MANBAL: variants seen among roughly 807,000 people sequenced by gnomAD.
MANBAL encodes mannosidase beta like, also known as protein MANBAL.
MANBAL carries 1 observed loss-of-function variant against 6.4 expected under a neutral mutation model. The observed-to-expected ratio is 0.16, with a 90% CI of 0.06 to 0.74. The LOEUF (loss-of-function observed/expected upper bound fraction) is 0.74. Among genes scored for constraint, MANBAL ranks in the 30% least tolerant of loss-of-function variants. MANBAL has a pLI of 0.78. For synonymous variants in MANBAL, 47 were observed against 45.8 expected (o/e 1.03, Z -0.10); for missense variants, 100 against 107.8 (o/e 0.93, Z 0.32).
At chr20:37,293,948 C>T (rs982521789) in intron 1 of MANBAL, among the ~76,000 whole-genome samples, 5 of 152,236 alleles carry the variant, frequency 3.3e-5, no homozygotes, top group East Asian at 1.9e-4. Context: ...TGACTTCATG[C>T]GTGTGTATGT....
intron 2 of MANBAL, among the ~76,000 whole-genome samples, chr20:37,315,486 C>T (rs1317475421): frequency 6.6e-6 from 1 of 152,218 alleles, no homozygotes; most frequent in South Asian, 2.1e-4. Flanking sequence ...CCTGGAGTCT[C>T]CCTTCCTTAT....
At chr20:37,315,404 G>A (rs1005536705) in intron 2 of MANBAL, among the ~76,000 whole-genome samples, 1 of 152,148 alleles carries the variant, frequency 6.6e-6, no homozygotes, top group Non-Finnish European at 1.5e-5. Context: ...ACACTAGATA[G>A]GAGCACACTG....
At chr20:37,311,831 G>C (rs2069394679) in intron 2 of MANBAL, among the ~76,000 whole-genome samples, 2 of 152,120 alleles carry the variant, frequency 1.3e-5, no homozygotes, top group South Asian at 2.1e-4. Flanking sequence ...GGAACGTAAA[G>C]TAAACTCTGA....
At chr20:37,291,136 T>TTTTA (rs1261941445) in intron 1 of MANBAL, among the ~76,000 whole-genome samples, 2 of 152,230 alleles carry the variant, frequency 1.3e-5, no homozygotes, top group African/African-American at 4.8e-5. Context: ...CTCAGTGGTT[T>TTTTA]TTTATTTATT....
At chr20:37,302,823 A>G (rs1432821876) in intron 2 of MANBAL, among the ~76,000 whole-genome samples, 2 of 149,956 alleles carry the variant, frequency 1.3e-5, no homozygotes, top group African/African-American at 4.9e-5. Flanking sequence ...GTTCAGTGGG[A>G]GCCCCTTTAA....
chr20:37,302,255 T>C (rs1568600903), intron 2 of MANBAL: 5 of 1,550,636 alleles, frequency 3.2e-6, no homozygotes, highest in Non-Finnish European at 4.4e-6. Context: ...CGTGTTTCTC[T>C]GTTCCCTGTG....
rs529631090 is a variant in MANBAL at position 37,292,862 on chromosome 20, T to C, written c.-57+3176T>C. ...CATTTCCCAAGGAGCCCTGGCTCCT[T>C]TTATTGGAGAATGGCCCAGAAAACA... On this transcript the variant is annotated intron_variant, in intron 1 of 2. Transcript: ENST00000373606. Among the ~76,000 whole-genome samples the C allele has an allele frequency of 2.2e-3, 340 of 152,328 alleles. 2 individuals carry two copies. The highest frequency in any genetic ancestry group is 6.8e-3 in the Middle Eastern group (2 of 294).
At chr20:37,300,924 C>T (rs2069118730) in intron 1 of MANBAL, among the ~76,000 whole-genome samples, 1 of 152,022 alleles carries the variant, frequency 6.6e-6, no homozygotes, top group African/African-American at 2.4e-5. Context: ...GGGCAGATCA[C>T]CTGAGGTCAG....
chr20:37,310,690 C>T (rs997654625), intron 2 of MANBAL, among the ~76,000 whole-genome samples: 2 of 152,266 alleles, frequency 1.3e-5, no homozygotes, highest in African/African-American at 4.8e-5. Flanking sequence ...GCCTGGTAAG[C>T]GCTGCAGAGC....
At chr20:37,306,615 AT>A (rs1568602390) in intron 2 of MANBAL, among the ~76,000 whole-genome samples, 1 of 152,194 alleles carries the variant, frequency 6.6e-6, no homozygotes, top group African/African-American at 2.4e-5. Context: ...TAATCCAAGC[AT>A]TTTCTTGTAG....
intron 2 of MANBAL, among the ~76,000 whole-genome samples, chr20:37,313,442 C>T (rs925502592): frequency 1.3e-5 from 2 of 152,038 alleles, no homozygotes; most frequent in Admixed American, 6.5e-5. Context: ...CAGTGGCTCA[C>T]GCCTGTAATC....
intron 1 of MANBAL, among the ~76,000 whole-genome samples, chr20:37,295,003 G>A (rs1168541481): frequency 6.6e-6 from 1 of 152,146 alleles, no homozygotes; most frequent in Non-Finnish European, 1.5e-5. Flanking sequence ...ATTCTGATGG[G>A]GTATGAAAGT....
intron 2 of MANBAL, among the ~76,000 whole-genome samples, chr20:37,303,202 C>T (rs192759291): frequency 2.0e-5 from 3 of 152,304 alleles, no homozygotes; most frequent in Non-Finnish European, 2.9e-5. Context: ...TGAGCCACTG[C>T]GCCTGGCCCC....
chr20:37,316,167 T>C (rs950637391), intron 2 of MANBAL, 141 bp from the exon 3 acceptor site: 11 of 725,534 alleles, frequency 1.5e-5, no homozygotes, highest in Non-Finnish European at 2.5e-5. Flanking sequence ...CCCACATCCG[T>C]GTGGGTGGTA....
intron 1 of MANBAL, among the ~76,000 whole-genome samples, chr20:37,297,815 T>C (rs2069033385): frequency 6.6e-6 from 1 of 152,052 alleles, no homozygotes. Flanking sequence ...GCTAATTTTT[T>C]TGTATTTTTA....
At chr20:37,298,410 G>T (rs919492257) in intron 1 of MANBAL, among the ~76,000 whole-genome samples, 1 of 152,048 alleles carries the variant, frequency 6.6e-6, no homozygotes, top group African/African-American at 2.4e-5. Context: ...CTTCCCTCCA[G>T]CCCTTGGTAA....
At chr20:37,299,515 G>A (rs1444667783) in intron 1 of MANBAL, among the ~76,000 whole-genome samples, 2 of 152,212 alleles carry the variant, frequency 1.3e-5, no homozygotes, top group Non-Finnish European at 2.9e-5. Context: ...AGTCATGTGT[G>A]GCTCATGGCC....
intron 2 of MANBAL, among the ~76,000 whole-genome samples, chr20:37,305,489 A>T (rs1435394119): frequency 6.6e-6 from 1 of 152,132 alleles, no homozygotes; most frequent in Non-Finnish European, 1.5e-5. Context: ...CAGGGAGTTG[A>T]TGAAGGGTTC....
intron 1 of MANBAL, among the ~76,000 whole-genome samples, chr20:37,294,334 ATGT>A (rs2068943756): frequency 6.6e-6 from 1 of 152,190 alleles, no homozygotes; most frequent in African/African-American, 2.4e-5. Flanking sequence ...CCTGGTGCAA[ATGT>A]GTCTTTTGAC....
Sources: gnomAD v4.1 joint callset for allele counts (sites outside exome capture counted in the v4.1 genomes callset) on GRCh38, gnomAD v4.1.1 for gene constraint, MANE v1.5 for transcripts, NCBI Gene and HGNC (gene_info 2026-07-23, HGNC 2026-07-21) for gene names.